TONSL: variants seen among roughly 807,000 people sequenced by gnomAD.
TONSL encodes tonsoku-like protein.
A neutral mutation model predicts 147.1 loss-of-function variants in TONSL; 112 were observed. The observed-to-expected ratio is 0.76, with a 90% CI of 0.65 to 0.89. The LOEUF is 0.89. Ranked by LOEUF, TONSL falls within the 40% of genes least tolerant of loss-of-function variation. The pLI, the probability that TONSL is intolerant of heterozygous loss-of-function variation, is 0.00. For missense variants in TONSL, 1,883 were observed against 1,864.6 expected (o/e 1.01, Z -0.18); for synonymous variants, 868 against 801.5 (o/e 1.08, Z -1.40).
At chr8:144,434,432 A>C (rs1318294808) in intron 20 of TONSL, among the ~76,000 whole-genome samples, 153 bp from the exon 21 acceptor site, 3 of 152,088 alleles carry the variant, frequency 2.0e-5, no homozygotes, top group Non-Finnish European at 2.9e-5. Context: ...TGGGTCTAGC[A>C]CTGTGAGGCC....
intron 5 of TONSL, 24 bp downstream of exon 5, chr8:144,442,653 T>TC (rs1285789214): frequency 6.2e-7 from 1 of 1,607,470 alleles, no homozygotes; most frequent in Non-Finnish European, 8.5e-7. Context: ...CTCCACTCCC[T>TC]CCTGGGGCGG....
intron 7 of TONSL, chr8:144,441,803 G>A (rs1316924051): frequency 1.9e-5 from 9 of 476,688 alleles, no homozygotes; most frequent in Admixed American, 7.9e-5. Flanking sequence ...TCTCCTGGCC[G>A]CCCTTTCATT....
intron 11 of TONSL, chr8:144,439,742 C>T: frequency 2.0e-6 from 1 of 499,534 alleles, no homozygotes. Context: ...CACCGTCTCA[C>T]CCCTGGCCCC....
At chr8:144,432,528 C>T (rs1823250550) in intron 22 of TONSL, 68 bp from the exon 23 acceptor site, 7 of 1,435,644 alleles carry the variant, frequency 4.9e-6, no homozygotes, top group Non-Finnish European at 6.4e-6. Flanking sequence ...AGTTCTGGGC[C>T]CAGAACCCTC....
chr8:144,432,608 C>G, intron 22 of TONSL, 148 bp from the exon 23 acceptor site: 1 of 760,034 alleles, frequency 1.3e-6, no homozygotes, highest in Non-Finnish European at 1.9e-6. Flanking sequence ...GGCAAAGGCT[C>G]TCGCCCAGAT....
Position 144,433,985 on chromosome 8 carries a change from G to A in TONSL, c.3380C>T (p.Thr1127Ile), listed in dbSNP as rs782658195. The change falls in exon 21 of 26, where the codon ACC (threonine) becomes ATC (isoleucine). Residue 1127 changes from threonine (T) to isoleucine (I), a missense_variant. Physicochemically the swap from Thr to Ile is moderately conservative, Grantham distance 89. Coordinates refer to ENST00000409379, the MANE Select transcript of TONSL (RefSeq NM_013432.5). ...QLAMGLPGQA[T>I]LQSLEELDLS... ...TGCTCTCTGTGCCTATACCTGCAAG[G>A]TGGCTTGGCCTGGGAGCCCCATGGC... is the stretch of plus-strand genomic sequence containing the variant. 4.4e-6 allele frequency: 7 copies of A among 1,584,318 alleles called. 1 individual carries two copies. In the East Asian group the frequency reaches 1.6e-4, roughly 36 times the overall value.
chr8:144,440,499 G>T, intron 9 of TONSL, 23 bp from the exon 10 acceptor site: 1 of 1,575,196 alleles, frequency 6.3e-7, no homozygotes. Flanking sequence ...GAAGGACAGG[G>T]TCGGGGGCTG....
intron 24 of TONSL, 102 bp from the exon 25 acceptor site, chr8:144,430,639 G>T: frequency 7.1e-7 from 1 of 1,402,356 alleles, no homozygotes; most frequent in Non-Finnish European, 9.6e-7. Context: ...GGAGCCTCGG[G>T]CCAGACCCAG....
At position 144,440,974 on chromosome 8, in the gene TONSL, G is replaced by T; in HGVS notation, c.1003C>A (p.Gln335Lys). Residue 335 changes from glutamine (Q) to lysine (K), a missense_variant, in exon 8 of 26, where the codon CAG (glutamine) becomes AAG (lysine). By Grantham distance (53) the Gln-to-Lys change is moderately conservative. Transcript: ENST00000409379. ...GDFPRAAEAY[Q>K]KQLRFAELLD... ...CAGCCGGGGCCACACACCTGCTTCT[G>T]GTAAGCCTCAGCTGCCCTGGGAAAG... 1.9e-6 allele frequency: 3 copies of T among 1,613,126 alleles called. No individual in the cohort carries two copies. Among genetic ancestry groups the T allele is most frequent in the Non-Finnish European group, 1.7e-6 (2 of 1,179,982 alleles).
At chr8:144,438,430 C>T (rs561256836) in intron 13 of TONSL, 41 bp downstream of exon 13, 14 of 1,591,860 alleles carry the variant, frequency 8.8e-6, no homozygotes, top group East Asian at 4.5e-5. Context: ...ACAGCTCCTC[C>T]ATGCTAGGCA....
At chr8:144,444,324 G>A in intron 1 of TONSL, 49 bp from the exon 2 acceptor site, 2 of 1,331,468 alleles carry the variant, frequency 1.5e-6, no homozygotes, top group South Asian at 1.9e-5. Context: ...GTCCGGGGCC[G>A]GGGCCGAGTC....
rs1436584460 is a variant in TONSL, at chr8:144,435,772, G to A, written c.2661C>T (p.Cys887=). ...KQVRLTCMQS[C]SAPVNAGPSS... ...TGGGCCCTGCGTTAACTGGCGCACT[G>A]CAACTCTGCATGCAGGTCAGGCGGA... The change falls in exon 17 of 26, where the codon TGC becomes TGT. Residue 887 remains cysteine (C), a synonymous_variant. Transcript: ENST00000409379. 1.2e-6 allele frequency: 2 copies of A among 1,612,894 alleles called. No individual in the cohort carries two copies. The highest frequency in any genetic ancestry group is 1.7e-6 in the Non-Finnish European group (2 of 1,179,940).
intron 7 of TONSL, 143 bp from the exon 8 acceptor site, chr8:144,441,254 G>T: frequency 1.6e-6 from 2 of 1,214,986 alleles, no homozygotes. Flanking sequence ...TAATAGCAGG[G>T]TCTATCTTGG....
intron 25 of TONSL, 48 bp from the exon 26 acceptor site, chr8:144,429,384 G>A (rs1234737075): frequency 3.0e-6 from 4 of 1,352,320 alleles, no homozygotes; most frequent in Non-Finnish European, 2.9e-6. Flanking sequence ...GGCCGGCGGC[G>A]TCCTGGTGCC....
At chr8:144,438,287 A>G (rs1014437409) in intron 13 of TONSL, 184 bp downstream of exon 13, 35 of 626,478 alleles carry the variant, frequency 5.6e-5, no homozygotes, top group African/African-American at 4.4e-4. Context: ...CTGCAGCCTC[A>G]ATCTCCCTCC....
chr8:144,444,095 GAAGAGCC>G lies in TONSL; in HGVS notation c.121+78_122-72del. 5 of 1,326,816 alleles carry G rather than the reference GAAGAGCC, an allele frequency of 3.8e-6. No homozygotes were observed. In the South Asian group the frequency reaches 8.2e-5, roughly 22 times the overall value. 82.2% of individuals were successfully genotyped at this position (1,326,816 alleles called of 1,614,324 possible). On this transcript the variant is annotated intron_variant, in intron 2 of 25. Coordinates refer to ENST00000409379, the MANE Select transcript of TONSL (RefSeq NM_013432.5). ...GGCGGCCCTGGGGCGGCGTCTGCCG[GAAGAGCC>G]CGTCGCCCCCCGGCCCCCGATCCCG...
chr8:144,437,280 AGACAGGTG>A (rs1425586440), intron 13 of TONSL, among the ~76,000 whole-genome samples, 181 bp from the exon 14 acceptor site: 1 of 152,200 alleles, frequency 6.6e-6, no homozygotes, highest in Non-Finnish European at 1.5e-5. Context: ...CTTCCCCCTG[AGACAGGTG>A]GACCAGCCAC....
intron 3 of TONSL, among the ~76,000 whole-genome samples, chr8:144,443,566 G>A (rs964973035): frequency 5.3e-5 from 8 of 152,254 alleles, no homozygotes; most frequent in African/African-American, 1.7e-4. Flanking sequence ...GTTGGCGGGG[G>A]GGTTGCAGTC....
chr8:144,434,706 A>C (rs1586685430), intron 20 of TONSL, 105 bp downstream of exon 20: 1 of 1,297,214 alleles, frequency 7.7e-7, no homozygotes, highest in East Asian at 2.5e-5. Context: ...GGGGAGGTGC[A>C]CCCCAAAACA....
Sources: allele counts gnomAD v4.1 joint callset (sites outside exome capture counted in the v4.1 genomes callset), GRCh38; gene constraint gnomAD v4.1.1; transcripts MANE v1.5; gene names NCBI Gene and HGNC (gene_info 2026-07-23, HGNC 2026-07-21).